KBTBD12: variants seen among roughly 807,000 people sequenced by gnomAD.
The protein encoded by KBTBD12 is kelch repeat and BTB domain-containing protein 12.
KBTBD12 carries 53 observed loss-of-function variants against 58.7 expected under a neutral mutation model. The observed-to-expected ratio is 0.90, with a 90% CI of 0.72 to 1.14. The LOEUF (loss-of-function observed/expected upper bound fraction) is 1.14. KBTBD12 is among the 50% of genes most tolerant of loss of function. KBTBD12 has a pLI of 0.00. For synonymous variants in KBTBD12, 236 were observed against 259.8 expected, an observed-to-expected ratio of 0.91 and a Z score of 0.88; for missense variants, 704 against 751.3, an observed-to-expected ratio of 0.94 and a Z score of 0.74.
At chr3:127,955,432 A>C (rs1257269378) in intron 4 of KBTBD12, among the ~76,000 whole-genome samples, 1 of 152,228 alleles carries the variant, frequency 6.6e-6, no homozygotes, top group African/African-American at 2.4e-5. Context: ...AGATAATTTT[A>C]ATGGTGAGTT....
chr3:127,980,785 A>G (rs1174736915), intron 5 of KBTBD12, among the ~76,000 whole-genome samples: 4 of 152,256 alleles, frequency 2.6e-5, no homozygotes, highest in Non-Finnish European at 4.4e-5. Flanking sequence ...ATTGAGAGAT[A>G]TATCATGCTG....
chr3:127,924,265 T>C (rs796954135), intron 2 of KBTBD12, 134 bp downstream of exon 2: 1 of 571,498 alleles, frequency 1.7e-6, no homozygotes, highest in South Asian at 2.1e-5. Flanking sequence ...CCATAAGGAA[T>C]AGTATACAGA....
At position 127,963,613 on chromosome 3, in the gene KBTBD12, C is replaced by T. The variant is rs181577833; in HGVS notation, c.1690+227C>T. ...TAAGAATTAAATGGAATCTAGTTTA[C>T]GGCCATACCACCCTGAACACACCTG... is the stretch of plus-strand genomic sequence containing the variant. On this transcript the variant is annotated intron_variant, in intron 5 of 5. Transcript: ENST00000405109. 539 of 430,924 alleles carry T rather than the reference C, an allele frequency of 1.3e-3. 1 individual carries two copies. The highest frequency in any genetic ancestry group is 3.5e-3 in the African/African-American group (142 of 40,694). 26.7% of individuals were successfully genotyped at this position (430,924 alleles called of 1,614,324 possible). A position where few individuals can be genotyped will look rare whatever the true frequency, so the allele number is the denominator to read the frequency against.
chr3:127,915,835 A>G (rs1939221529), intron 1 of KBTBD12, among the ~76,000 whole-genome samples: 1 of 152,224 alleles, frequency 6.6e-6, no homozygotes, highest in South Asian at 2.1e-4. Flanking sequence ...TAGTCTGCAT[A>G]GTATTATCAT....
rs1940957836 is a variant in KBTBD12, at chr3:127,985,980, T to G, written c.*1702T>G. 6.5e-6 allele frequency: 1 copy of G among 152,804 alleles called. No individual in the cohort carries two copies. The highest frequency in any genetic ancestry group is 1.5e-5 in the Non-Finnish European group (1 of 68,226). 9.5% of individuals were successfully genotyped at this position (152,804 alleles called of 1,614,324 possible). On this transcript the variant is annotated 3_prime_UTR_variant, in exon 6 of 6. Transcript: ENST00000405109. ...CTACAAAGATGTTCCTCCTAGCTGC[T>G]GTGTTGGCTGTCGGCGGCCAGGGTT...
chr3:127,917,225 TTCTGA>T (rs1476963245), intron 1 of KBTBD12, among the ~76,000 whole-genome samples: 1 of 152,206 alleles, frequency 6.6e-6, no homozygotes, highest in African/African-American at 2.4e-5. Context: ...CATCCAGAGC[TTCTGA>T]CTGACCCATC....
intron 4 of KBTBD12, among the ~76,000 whole-genome samples, chr3:127,931,991 C>A (rs1019705643): frequency 1.3e-5 from 2 of 152,002 alleles, no homozygotes; most frequent in African/African-American, 2.4e-5. Flanking sequence ...TAAGGAAATA[C>A]TAGTGAACAG....
chr3:127,969,855 CTG>C (rs1382133405), intron 5 of KBTBD12, among the ~76,000 whole-genome samples: 9 of 152,064 alleles, frequency 5.9e-5, no homozygotes, highest in Admixed American at 2.0e-4. Flanking sequence ...CAACCTAAAA[CTG>C]TAAAATTCTT....
At chr3:127,977,789 T>G (rs7628512) in intron 5 of KBTBD12, among the ~76,000 whole-genome samples, 2,592 of 152,348 alleles carry the variant, frequency 0.017, 63 homozygotes, top group African/African-American at 0.057. Context: ...TTGTTTACTC[T>G]GTCGATAGTT....
At chr3:127,922,530 C>T (rs1041422475) in intron 1 of KBTBD12, among the ~76,000 whole-genome samples, 9 of 152,126 alleles carry the variant, frequency 5.9e-5, no homozygotes, top group African/African-American at 1.4e-4. Context: ...TATAACAGTT[C>T]GGTGTATTTT....
intron 5 of KBTBD12, among the ~76,000 whole-genome samples, chr3:127,974,691 T>C (rs1940746598): frequency 6.6e-6 from 1 of 152,128 alleles, no homozygotes; most frequent in African/African-American, 2.4e-5. Flanking sequence ...TTTCCAAGTA[T>C]AAAAATAATC....
chr3:127,976,574 C>A (rs576845902), intron 5 of KBTBD12, among the ~76,000 whole-genome samples: 1 of 152,276 alleles, frequency 6.6e-6, no homozygotes, highest in Admixed American at 6.5e-5. Context: ...GTCTCTCTGC[C>A]CCTTGCTGGC....
At position 127,923,912 on chromosome 3, in the gene KBTBD12, C is replaced by T. The variant is rs764406209; in HGVS notation, c.851C>T (p.Ser284Phe). ...CTTCTGCTTTGCATTGGCAACAATT[C>T]TTCAGGAATCAGATCAAGACATAGG... ...TSLLLCIGNN[S>F]SGIRSRHRSY... The change falls in exon 2 of 6, where the codon TCT becomes TTT. Residue 284 changes from serine to phenylalanine, a missense_variant. Transcript: ENST00000405109. The T allele has an allele frequency of 1.9e-6, 3 of 1,613,892 alleles. No individual in the cohort carries two copies. In the East Asian group the frequency reaches 6.7e-5, roughly 36 times the overall value.
At chr3:127,920,182 ACTC>A (rs1186414789) in intron 1 of KBTBD12, among the ~76,000 whole-genome samples, 1 of 151,808 alleles carries the variant, frequency 6.6e-6, no homozygotes, top group Non-Finnish European at 1.5e-5. Flanking sequence ...GGTACAAAAA[ACTC>A]CTATATGCCC....
In KBTBD12 at chr3:127,984,332, G is replaced by C. The variant is rs1940929385; in HGVS notation, c.*54G>C. The stretch of plus-strand genomic sequence containing the variant: ...TTCTGCAAACAAGGCCTTCAGAACG[G>C]AGAGGGCCCACAGCATCTCTGTCAT... On this transcript the variant is annotated 3_prime_UTR_variant, in exon 6 of 6. Transcript: ENST00000405109. 1 of 1,501,966 alleles carries C rather than the reference G, an allele frequency of 6.7e-7. No homozygotes were observed. Among genetic ancestry groups the C allele is most frequent in the Admixed American group, 1.8e-5 (1 of 56,584 alleles). 93.0% of individuals were successfully genotyped at this position (1,501,966 alleles called of 1,614,324 possible). A position where few individuals can be genotyped will look rare whatever the true frequency, so the allele number is the denominator to read the frequency against.
chr3:127,927,761 C>T lies in KBTBD12; in HGVS notation c.1071-3C>T. 6.7e-7 allele frequency: 1 copy of T among 1,492,684 alleles called. No individual in the cohort carries two copies. The highest frequency in any genetic ancestry group is 8.9e-7 in the Non-Finnish European group (1 of 1,117,808). The allele number at this position is 1,492,684 out of a possible 1,614,324, so 92.5% of individuals were successfully genotyped here. A position where few individuals can be genotyped will look rare whatever the true frequency, so the allele number is the denominator to read the frequency against. On this transcript the variant is annotated splice_polypyrimidine_tract_variant and splice_region_variant and intron_variant, in intron 2 of 5. Coordinates refer to ENST00000405109, the MANE Select transcript of KBTBD12 (RefSeq NM_207335.4). ...TCCTGGATACTCTCTCTCTCTTTTG[C>T]AGGTATCATGATAGAGGAAACCAGT... is the stretch of plus-strand genomic sequence containing the variant.
rs983100150 is a variant in KBTBD12 at position 127,932,650 on chromosome 3, G to A, written c.1492+2367G>A. The stretch of plus-strand genomic sequence containing the variant: ...GGGAAGACACTAGCTTTGGAGTTGA[G>A]TATATTTGGATTGAAATCCTGACAT... On this transcript the variant is annotated intron_variant, in intron 4 of 5. Transcript: ENST00000405109. Among the ~76,000 whole-genome samples, 15 of 152,264 alleles carry A rather than the reference G, an allele frequency of 9.9e-5. 1 individual carries two copies. The Middle Eastern group carries it at 0.017, about 173-fold the overall frequency.
Position 127,984,374 on chromosome 3 carries a change from G to T in KBTBD12, c.*96G>T. 1 of 1,145,360 alleles carries T rather than the reference G, an allele frequency of 8.7e-7. No homozygotes were observed. 70.9% of individuals were successfully genotyped at this position (1,145,360 alleles called of 1,614,324 possible). On this transcript the variant is annotated 3_prime_UTR_variant, in exon 6 of 6. Transcript: ENST00000405109. ...CTCTGTCATGCCAGTCATGTGCACT[G>T]CATGCGTAGTGGCCTGTGTGTGAAG...
At chr3:127,961,071 T>G (rs570651931) in intron 4 of KBTBD12, among the ~76,000 whole-genome samples, 8 of 152,294 alleles carry the variant, frequency 5.3e-5, no homozygotes, top group African/African-American at 1.9e-4. Flanking sequence ...TTGCTGGTCT[T>G]CTGGAGGAGC....
Sources: gnomAD v4.1 joint callset for allele counts (sites outside exome capture counted in the v4.1 genomes callset) on GRCh38, gnomAD v4.1.1 for gene constraint, MANE v1.5 for transcripts, NCBI Gene and HGNC (gene_info 2026-07-23, HGNC 2026-07-21) for gene names.